Variants in CRPPA observed in about 807,000 individuals in gnomAD.
CRPPA encodes D-ribitol-5-phosphate cytidylyltransferase.
In CRPPA, 43 loss-of-function variants were observed where a neutral mutation model predicts 52.0. The ratio of observed to expected loss-of-function variants is 0.83; its 90% CI spans 0.65 to 1.07. The LOEUF is 1.07. Among genes scored for constraint, CRPPA ranks in the 50% least tolerant of loss-of-function variants. The pLI, the probability that CRPPA is intolerant of heterozygous loss-of-function variation, is 0.00. For synonymous variants in CRPPA, 250 were observed against 203.5 expected (o/e 1.23, Z -1.94); for missense variants, 629 against 551.7 (o/e 1.14, Z -1.40).
chr7:16,211,836 T>A (rs981578294), intron 9 of CRPPA, among the ~76,000 whole-genome samples: 2 of 152,192 alleles, frequency 1.3e-5, no homozygotes, highest in Admixed American at 1.3e-4. Flanking sequence ...GTTTCTTGGA[T>A]GTCCTTTACA....
intron 9 of CRPPA, among the ~76,000 whole-genome samples, chr7:16,167,708 C>T (rs983191672): frequency 8.5e-5 from 13 of 152,218 alleles, no homozygotes; most frequent in South Asian, 2.1e-4. Flanking sequence ...TTACATTTCA[C>T]GGACTTCTTT....
chr7:16,167,566 T>C (rs1207938685), intron 9 of CRPPA, among the ~76,000 whole-genome samples: 4 of 152,154 alleles, frequency 2.6e-5, no homozygotes, highest in Non-Finnish European at 4.4e-5. Flanking sequence ...ATTACCCTGG[T>C]CAGTGTAGTA....
intron 3 of CRPPA, among the ~76,000 whole-genome samples, chr7:16,370,526 C>T (rs184332130): frequency 1.1e-3 from 173 of 152,252 alleles, no homozygotes; most frequent in African/African-American, 3.9e-3. Flanking sequence ...AATATCACTG[C>T]AGTCTAGCAC....
chr7:16,420,979 G>T (rs1184897696), intron 1 of CRPPA, 87 bp downstream of exon 1: 2 of 1,149,276 alleles, frequency 1.7e-6, no homozygotes, highest in Non-Finnish European at 2.2e-6. Flanking sequence ...TCCCCCAAGT[G>T]AAGGTGCTAG....
At chr7:16,393,900 C>T (rs192659193) in intron 2 of CRPPA, among the ~76,000 whole-genome samples, 33 of 152,046 alleles carry the variant, frequency 2.2e-4, no homozygotes, top group East Asian at 1.7e-3. Flanking sequence ...CTTACACAGG[C>T]GTTTCAATAA....
At chr7:16,158,468 T>G (rs964761198) in intron 9 of CRPPA, among the ~76,000 whole-genome samples, 1 of 152,058 alleles carries the variant, frequency 6.6e-6, no homozygotes, top group Admixed American at 6.6e-5. Flanking sequence ...CTCAAGATAT[T>G]AGAAAATATT....
intron 8 of CRPPA, among the ~76,000 whole-genome samples, chr7:16,236,357 C>A (rs1782949825): frequency 6.6e-6 from 1 of 151,966 alleles, no homozygotes; most frequent in South Asian, 2.1e-4. Context: ...TCCACCTTAG[C>A]AAGTAAAAGT....
In CRPPA at chr7:16,278,167, C is replaced by A. The variant is rs373890080; in HGVS notation, c.895G>T (p.Gly299Cys). 12 of 1,580,410 alleles carry A rather than the reference C, an allele frequency of 7.6e-6. No individual in the cohort carries two copies. The African/African-American group carries it at 1.3e-4, about 18-fold the overall frequency. The change falls in exon 6 of 10, where the codon GGT becomes TGT. Residue 299 changes from glycine to cysteine, a missense_variant. Physicochemically the swap from Gly to Cys is radical, Grantham distance 159 (BLOSUM62 -3). Transcript: ENST00000407010. ...MDTEEDNKHV[G>C]HLLEEVLKSE... ...TTCAGCACTTCTTCAAGAAGATGAC[C>A]TACATGTTTGTTATCTTCTTCTGTA...
chr7:16,142,235 A>G (rs970797106), intron 9 of CRPPA, among the ~76,000 whole-genome samples: 2 of 152,288 alleles, frequency 1.3e-5, no homozygotes, highest in Admixed American at 6.5e-5. Context: ...TCAGGGCTAC[A>G]TGTGCAGGTT....
intron 9 of CRPPA, among the ~76,000 whole-genome samples, chr7:16,157,898 C>T (rs566075150): frequency 2.7e-5 from 4 of 150,804 alleles, no homozygotes; most frequent in East Asian, 1.9e-4. Context: ...TTTTTGAGAC[C>T]GAGTCTCACT....
chr7:16,290,440 G>A (rs867043021), intron 5 of CRPPA, among the ~76,000 whole-genome samples: 2 of 151,920 alleles, frequency 1.3e-5, no homozygotes, highest in Non-Finnish European at 2.9e-5. Context: ...TACAGCATTA[G>A]TTTAAAACAG....
intron 8 of CRPPA, chr7:16,237,489 C>T (rs191230309): frequency 3.7e-4 from 57 of 152,232 alleles, no homozygotes; most frequent in African/African-American, 1.2e-3. Flanking sequence ...GATCTAATCA[C>T]CTCCCAAAGG....
intron 4 of CRPPA, among the ~76,000 whole-genome samples, chr7:16,303,477 T>TAAAAAAAAAAAAAAAAAAAACA (rs1784832922): frequency 2.2e-5 from 1 of 44,970 alleles, no homozygotes; most frequent in African/African-American, 8.3e-5. Context: ...CATAAAATAG[T>TAAAAAAAAAAAAAAAAAAAACA]AAAAAAAAAA....
intron 3 of CRPPA, among the ~76,000 whole-genome samples, chr7:16,370,255 A>G (rs1332573334): frequency 6.6e-6 from 1 of 152,200 alleles, no homozygotes; most frequent in African/African-American, 2.4e-5. Context: ...TGTGCCACAG[A>G]TAGGAGTGCA....
intron 9 of CRPPA, among the ~76,000 whole-genome samples, chr7:16,214,505 A>AT (rs908845496): frequency 1.3e-4 from 20 of 150,150 alleles, no homozygotes; most frequent in Non-Finnish European, 1.5e-4. Flanking sequence ...AACAAAAAAG[A>AT]TTTTTTTTTT....
chr7:16,249,174 C>G (rs1290623030), intron 8 of CRPPA, among the ~76,000 whole-genome samples: 2 of 152,160 alleles, frequency 1.3e-5, no homozygotes, highest in African/African-American at 4.8e-5. Context: ...TTCTGCCTCT[C>G]TAGATTCCAC....
chr7:16,349,106 T>G (rs535666298), intron 3 of CRPPA, among the ~76,000 whole-genome samples: 1 of 152,250 alleles, frequency 6.6e-6, no homozygotes, highest in Admixed American at 6.5e-5. Flanking sequence ...ATGCTTAGCT[T>G]CATCATGAAA....
At chr7:16,385,337 T>C (rs1250042388) in intron 2 of CRPPA, among the ~76,000 whole-genome samples, 1 of 151,724 alleles carries the variant, frequency 6.6e-6, no homozygotes, top group Non-Finnish European at 1.5e-5. Flanking sequence ...CAGAAAAAAA[T>C]CCACATCTAG....
intron 9 of CRPPA, among the ~76,000 whole-genome samples, chr7:16,094,039 C>T (rs1781889302): frequency 6.6e-6 from 1 of 152,064 alleles, no homozygotes; most frequent in African/African-American, 2.4e-5. Context: ...GTTTAGGATC[C>T]CAGGGCTAGA....
Sources: allele counts gnomAD v4.1 joint callset (sites outside exome capture counted in the v4.1 genomes callset), GRCh38; gene constraint gnomAD v4.1.1; transcripts MANE v1.5; gene names NCBI Gene and HGNC (gene_info 2026-07-23, HGNC 2026-07-21).